Variants in ESAM observed in about 807,000 individuals in gnomAD.
ESAM encodes the protein endothelial cell-selective adhesion molecule.
In ESAM, 23 loss-of-function variants were observed where a neutral mutation model predicts 31.8. The observed-to-expected ratio is 0.72, with a 90% CI of 0.52 to 1.03. The LOEUF (loss-of-function observed/expected upper bound fraction) is 1.03. Among genes scored for constraint, ESAM ranks in the 50% least tolerant of loss-of-function variants. The probability of loss-of-function intolerance (pLI) is 0.00; values close to 1 mark genes in which losing one functional copy is unlikely to be tolerated. For missense variants in ESAM, 478 were observed against 488.9 expected (o/e 0.98, Z 0.21); for synonymous variants, 216 against 207.2 (o/e 1.04, Z -0.37).
intron 1 of ESAM, among the ~76,000 whole-genome samples, chr11:124,760,111 G>A (rs1944210023): frequency 6.6e-6 from 1 of 152,224 alleles, no homozygotes; most frequent in East Asian, 1.9e-4. Flanking sequence ...GTAGAGGAGA[G>A]TTAAAAGAGA....
Position 124,753,552 on chromosome 11 carries a change from G to T in ESAM, c.*94C>A. ...GGGCAGAGTACTAAGGGTCAGGAGT[G>T]TGACTCTTTCCCATGACTCAGGCCT... On this transcript the variant is annotated 3_prime_UTR_variant, in exon 7 of 7. Transcript: ENST00000278927. The T allele has an allele frequency of 7.2e-7, 1 of 1,397,588 alleles. No homozygotes were observed. The highest frequency in any genetic ancestry group is 9.9e-7 in the Non-Finnish European group (1 of 1,011,152). The allele number at this position is 1,397,588 out of a possible 1,614,324, so 86.6% of individuals were successfully genotyped here.
In ESAM at chr11:124,756,292, G is replaced by A. The variant is rs768367886; in HGVS notation, c.522C>T (p.Cys174=). The A allele has an allele frequency of 1.2e-5, 19 of 1,613,804 alleles. No homozygotes were observed. The highest frequency in any genetic ancestry group is 1.6e-5 in the Non-Finnish European group (19 of 1,179,884). The change falls in exon 4 of 7, where the codon TGC becomes TGT. Residue 174 remains cysteine (C), a synonymous_variant. Coordinates refer to ENST00000278927, the MANE Select transcript of ESAM (RefSeq NM_138961.3). ...PHVGANVTLS[C]QSPRSKPAVQ... ...CAGCGGGCTTACTCCTTGGAGACTG[G>A]CAGCTCAGGGTCACGTTTGCCCCCA...
intron 1 of ESAM, among the ~76,000 whole-genome samples, chr11:124,761,337 A>G (rs1036417766): frequency 1.3e-5 from 2 of 152,192 alleles, no homozygotes; most frequent in Non-Finnish European, 2.9e-5. Context: ...CTGGAGGCCT[A>G]CAACACTTCC....
chr11:124,754,145 C>T lies in ESAM; in HGVS notation c.857+69G>A. On this transcript the variant is annotated intron_variant, in intron 6 of 6. Coordinates refer to ENST00000278927, the MANE Select transcript of ESAM (RefSeq NM_138961.3). The surrounding 1 kb of genome is among the most constrained non-coding windows in gnomAD (Gnocchi z 4.5). ...ACCCCATCCCAATAGATGAGAGCTGCCTGAATTCCCAGCCTCTGTGAGGAG... is the reference window on the plus strand; with the variant it reads ...ACCCCATCCCAATAGATGAGAGCTGTCTGAATTCCCAGCCTCTGTGAGGAG... 2 of 1,582,548 alleles carry T rather than the reference C, an allele frequency of 1.3e-6. No individual in the cohort carries two copies. The highest frequency in any genetic ancestry group is 1.7e-6 in the Non-Finnish European group (2 of 1,164,198).
intron 1 of ESAM, among the ~76,000 whole-genome samples, chr11:124,760,388 G>A (rs1944213236): frequency 6.6e-6 from 1 of 152,262 alleles, no homozygotes; most frequent in Non-Finnish European, 1.5e-5. Context: ...AGGCCAGAGT[G>A]AGGGAGCCGG....
At chr11:124,757,094 A>C in intron 2 of ESAM, 1 of 236,024 alleles carries the variant, frequency 4.2e-6, no homozygotes, top group Non-Finnish European at 8.3e-6. Flanking sequence ...AACTTACACA[A>C]TGGGGAAGGC....
At chr11:124,755,395 T>C (rs1188027849) in intron 4 of ESAM, among the ~76,000 whole-genome samples, 1 of 151,670 alleles carries the variant, frequency 6.6e-6, no homozygotes, top group Non-Finnish European at 1.5e-5. Context: ...TAAAGTATAA[T>C]AATAATAAAA....
At chr11:124,757,915 T>C (rs1301058594) in intron 2 of ESAM, among the ~76,000 whole-genome samples, 2 of 152,056 alleles carry the variant, frequency 1.3e-5, no homozygotes, top group African/African-American at 4.8e-5. Context: ...GCCAGGCTGC[T>C]CTCGAACTCT....
chr11:124,756,223 G>A lies in ESAM; in HGVS notation c.591C>T (p.Phe197=). The A allele has an allele frequency of 1.9e-6, 3 of 1,613,960 alleles. No homozygotes were observed. The highest frequency in any genetic ancestry group is 2.5e-6 in the Non-Finnish European group (3 of 1,180,048). ...WDRQLPSFQT[F]FAPALDVIRG... ...TGTCCTCACCTAATGCTGGTGCAAA[G>A]AAAGTCTGGAAGGATGGAAGCTGCC... The change falls in exon 4 of 7, where the codon TTC becomes TTT. Residue 197 remains phenylalanine, a synonymous_variant. Coordinates refer to ENST00000278927, the MANE Select transcript of ESAM (RefSeq NM_138961.3).
In ESAM at chr11:124,754,867, T is replaced by C. The variant is rs1164538096; in HGVS notation, c.608-104A>G. On this transcript the variant is annotated intron_variant, in intron 4 of 6. Coordinates refer to ENST00000278927, the MANE Select transcript of ESAM (RefSeq NM_138961.3). This position sits in a 1 kb window ranked among gnomAD's most constrained non-coding sequence, Gnocchi z 4.5. ...AATGTCCCCTTTGACCCTCTGGGAG[T>C]CACGGCTTGTCTATTCCCTGATGGG... is the stretch of plus-strand genomic sequence containing the variant. 7.7e-6 allele frequency: 11 copies of C among 1,427,024 alleles called. No individual in the cohort carries two copies. The highest frequency in any genetic ancestry group is 1.0e-5 in the Non-Finnish European group (11 of 1,069,314). The allele number at this position is 1,427,024 out of a possible 1,614,324, so 88.4% of individuals were successfully genotyped here.
Position 124,753,474 on chromosome 11 carries a change from T to C in ESAM, c.*172A>G. ...ATCCACTTCCTCTTCTCCTTCTGTC[T>C]CCTGGACACTTAGGTCTTACTGAGA... On this transcript the variant is annotated 3_prime_UTR_variant, in exon 7 of 7. Transcript: ENST00000278927. 2 of 692,460 alleles carry C rather than the reference T, an allele frequency of 2.9e-6. No homozygotes were observed. Among genetic ancestry groups the C allele is most frequent in the Non-Finnish European group, 4.7e-6 (2 of 427,270 alleles). 42.9% of individuals were successfully genotyped at this position (692,460 alleles called of 1,614,324 possible).
intron 1 of ESAM, 62 bp from the exon 2 acceptor site, chr11:124,758,589 G>A: frequency 4.2e-6 from 6 of 1,434,758 alleles, no homozygotes; most frequent in Non-Finnish European, 5.5e-6. Flanking sequence ...CGCGGACCCT[G>A]CCCTACGCGG....
Position 124,758,364 on chromosome 11 carries a change from T to C in ESAM, c.234A>G (p.Lys78=). 1 of 1,614,182 alleles carries C rather than the reference T, an allele frequency of 6.2e-7. No individual in the cohort carries two copies. The highest frequency in any genetic ancestry group is 8.5e-7 in the Non-Finnish European group (1 of 1,180,038). ...VPFVMWFFKQ[K]EKEDQVLSYI... is the part of the protein sequence containing the mutation. ...CTTCCCTCACCTGATCCTCCTTTTC[T>C]TTCTGTTTGAAGAACCACATCACAA... The change falls in exon 2 of 7, where the codon AAA becomes AAG. Residue 78 remains lysine (K), a synonymous_variant. Transcript: ENST00000278927.
Position 124,753,912 on chromosome 11 carries a change from T to C in ESAM, c.907A>G (p.Thr303Ala), listed in dbSNP as rs1307115483. ...GAAAGGGTCCCATTCTTGGAGATTGTGTCTGAGCTCTTGGGCCAGGGCAGG... is the reference window on the plus strand; with the variant it reads ...GAAAGGGTCCCATTCTTGGAGATTGCGTCTGAGCTCTTGGGCCAGGGCAGG... ...RTLPWPKSSD[T>A]ISKNGTLSSV... Residue 303 changes from threonine to alanine, a missense_variant, in exon 7 of 7, where the codon ACA becomes GCA. Thr to Ala is a moderately conservative substitution (Grantham distance 58). Transcript: ENST00000278927. 3 of 1,614,018 alleles carry C rather than the reference T, an allele frequency of 1.9e-6. No homozygotes were observed. Among genetic ancestry groups the C allele is most frequent in the Non-Finnish European group, 2.5e-6 (3 of 1,179,996 alleles).
intron 4 of ESAM, among the ~76,000 whole-genome samples, chr11:124,755,307 A>C (rs1312512570): frequency 2.0e-5 from 3 of 152,182 alleles, no homozygotes; most frequent in African/African-American, 4.8e-5. Flanking sequence ...ATGAAGAGTT[A>C]ATGGGTACAG....
rs1174239454 is a variant in ESAM at position 124,755,393 on chromosome 11, A to G, written c.608-630T>C. ...ACATGTACCCTAAAACTTAAAGTATAATAATAATAAAATAAAAATAAATAA... is the reference window on the plus strand; with the variant it reads ...ACATGTACCCTAAAACTTAAAGTATGATAATAATAAAATAAAAATAAATAA... On this transcript the variant is annotated intron_variant, in intron 4 of 6. Coordinates refer to ENST00000278927, the MANE Select transcript of ESAM (RefSeq NM_138961.3). Among the ~76,000 whole-genome samples, 16 of 151,956 alleles carry G rather than the reference A, an allele frequency of 1.1e-4. No individual in the cohort carries two copies. In the East Asian group the frequency reaches 3.1e-3, roughly 29 times the overall value.
chr11:124,760,536 G>A (rs994029792), intron 1 of ESAM, among the ~76,000 whole-genome samples: 4 of 152,226 alleles, frequency 2.6e-5, no homozygotes, highest in African/African-American at 9.6e-5. Flanking sequence ...CTACTGAGCC[G>A]GAGAGCCTCC....
intron 3 of ESAM, 65 bp downstream of exon 3, chr11:124,756,476 G>C: frequency 6.3e-7 from 1 of 1,597,252 alleles, no homozygotes; most frequent in Non-Finnish European, 8.5e-7. Flanking sequence ...TGTCATTTAG[G>C]AGAGAGACTC....
rs563458235 is a variant in ESAM at position 124,759,894 on chromosome 11, G to T, written c.71-1367C>A. Reference sequence around the variant, plus strand: ...TGGACGCCCCCTGGGGACCCGGCCCGCTGGCCATTCCGCTGAGGCCGGGCA... The same window carrying T: ...TGGACGCCCCCTGGGGACCCGGCCCTCTGGCCATTCCGCTGAGGCCGGGCA... On this transcript the variant is annotated intron_variant, in intron 1 of 6. Coordinates refer to ENST00000278927, the MANE Select transcript of ESAM (RefSeq NM_138961.3). This position sits in a 1 kb window ranked among gnomAD's most constrained non-coding sequence, Gnocchi z 6.8. 4.6e-5 allele frequency among the ~76,000 whole-genome samples: 7 copies of T among 152,342 alleles called. No homozygotes were observed. In the East Asian group the frequency reaches 1.2e-3, roughly 25 times the overall value.
Sources: gnomAD v4.1 joint callset for allele counts (sites outside exome capture counted in the v4.1 genomes callset) on GRCh38, gnomAD v4.1.1 for gene constraint, Gnocchi (gnomAD v3.1) non-coding constraint, MANE v1.5 for transcripts, NCBI Gene and HGNC (gene_info 2026-07-23, HGNC 2026-07-21) for gene names.